Variants in ADCK1 observed in about 807,000 individuals in gnomAD.
The protein encoded by ADCK1 is aarF domain containing kinase 1, also known as aarF domain-containing protein kinase 1.
Under a neutral mutation model 52.3 loss-of-function variants are expected in ADCK1, and 41 were observed. The ratio of observed to expected loss-of-function variants is 0.78; its 90% CI spans 0.61 to 1.02. The LOEUF (loss-of-function observed/expected upper bound fraction) is 1.02. Ranked by LOEUF, ADCK1 falls within the 50% of genes least tolerant of loss-of-function variation. ADCK1 has a pLI of 0.00. For missense variants in ADCK1, 658 were observed against 679.5 expected, an observed-to-expected ratio of 0.97 and a Z score of 0.35; for synonymous variants, 250 against 274.6, an observed-to-expected ratio of 0.91 and a Z score of 0.89.
intron 1 of ADCK1, among the ~76,000 whole-genome samples, chr14:77,804,918 A>G (rs2081187208): frequency 2.0e-5 from 3 of 152,108 alleles, no homozygotes; most frequent in Admixed American, 1.3e-4. Flanking sequence ...ATAGAATGCA[A>G]AGCCAAGGCT....
intron 4 of ADCK1, among the ~76,000 whole-genome samples, chr14:77,869,461 C>G (rs1345697706): frequency 1.3e-5 from 2 of 152,154 alleles, no homozygotes; most frequent in Non-Finnish European, 2.9e-5. Flanking sequence ...AGGACACAGT[C>G]ATGTTGGATT....
At chr14:77,810,087 G>A (rs2081308670) in intron 1 of ADCK1, among the ~76,000 whole-genome samples, 1 of 150,930 alleles carries the variant, frequency 6.6e-6, no homozygotes, top group Non-Finnish European at 1.5e-5. Context: ...TACTGGGTAT[G>A]TCAGGCATTG....
chr14:77,840,033 T>G (rs1473528253), intron 3 of ADCK1, among the ~76,000 whole-genome samples: 1 of 151,992 alleles, frequency 6.6e-6, no homozygotes, highest in African/African-American at 2.4e-5. Flanking sequence ...GAGCTGAATC[T>G]TCTGGCGCAC....
chr14:77,933,624 C>A lies in ADCK1; in HGVS notation c.*233C>A. ...TCTCTTCTTCTCCAAGAAGACTCAG[C>A]AGCCTACATTCCCATTCCTGGTATG... On this transcript the variant is annotated 3_prime_UTR_variant, in exon 11 of 11. Transcript: ENST00000238561. 1 of 520,866 alleles carries A rather than the reference C, an allele frequency of 1.9e-6. No individual in the cohort carries two copies. The highest frequency in any genetic ancestry group is 3.1e-5 in the South Asian group (1 of 32,058). The allele number at this position is 520,866 out of a possible 1,614,324, so 32.3% of individuals were successfully genotyped here. A position where few individuals can be genotyped will look rare whatever the true frequency, so the allele number is the denominator to read the frequency against.
intron 4 of ADCK1, among the ~76,000 whole-genome samples, chr14:77,864,658 T>C (rs1056149127): frequency 1.3e-5 from 2 of 151,492 alleles, no homozygotes; most frequent in Non-Finnish European, 2.9e-5. Flanking sequence ...TGTGTGTGTG[T>C]GTATGTGTGT....
At chr14:77,850,703 T>C (rs1170378767) in intron 3 of ADCK1, among the ~76,000 whole-genome samples, 1 of 146,896 alleles carries the variant, frequency 6.8e-6, no homozygotes, top group East Asian at 2.0e-4. Context: ...CAGGCTGGAG[T>C]GCAGTGGCGC....
At chr14:77,814,140 G>A (rs909212400) in intron 1 of ADCK1, among the ~76,000 whole-genome samples, 6 of 151,428 alleles carry the variant, frequency 4.0e-5, no homozygotes, top group Admixed American at 6.6e-5. Flanking sequence ...GTGCAGTGGC[G>A]CAATCTCAGC....
intron 6 of ADCK1, among the ~76,000 whole-genome samples, chr14:77,902,974 C>T (rs1171257113): frequency 2.0e-5 from 3 of 152,200 alleles, no homozygotes; most frequent in Non-Finnish European, 2.9e-5. Context: ...CTGCCATTTA[C>T]CGGCAGGGGT....
rs1246186129 is a variant in ADCK1 at position 77,925,833 on chromosome 14, A to C, written c.1078A>C (p.Arg360=). Residue 360 remains arginine (R), a synonymous_variant, in exon 9 of 11, where the codon AGA becomes CGA. Coordinates refer to ENST00000238561, the MANE Select transcript of ADCK1 (RefSeq NM_020421.4). The part of the protein sequence containing the change: ...WQSLIWTDMK[R]VKEYSQRLGA... The stretch of plus-strand genomic sequence containing the variant: ...GTCTCTGATCTGGACTGACATGAAG[A>C]GAGTGAAGGAGTACAGCCAGCGACT... The C allele has an allele frequency of 6.2e-7, 1 of 1,614,184 alleles. No homozygotes were observed. The highest frequency in any genetic ancestry group is 1.1e-5 in the South Asian group (1 of 91,082).
chr14:77,819,086 T>C lies in ADCK1; in HGVS notation c.108T>C (p.Ala36=). ...ACTTGGACCCTAATGACTTTGGCGC[T>C]GTCAGGGTGGGCAGAGCAGTTGCTA... The part of the protein sequence containing the change: ...NKYLDPNDFG[A]VRVGRAVATT... Residue 36 remains alanine, a synonymous_variant, in exon 2 of 11, where the codon GCT becomes GCC. Transcript: ENST00000238561. The C allele has an allele frequency of 6.2e-7, 1 of 1,613,174 alleles. No individual in the cohort carries two copies. Among genetic ancestry groups the C allele is most frequent in the South Asian group, 1.1e-5 (1 of 90,990 alleles).
chr14:77,903,718 G>A (rs78848442), intron 6 of ADCK1, among the ~76,000 whole-genome samples: 4,872 of 152,110 alleles, frequency 0.032, 150 homozygotes, highest in South Asian at 0.12. Context: ...AGGTGTGCAG[G>A]GCCATGCCAG....
At chr14:77,887,607 C>T (rs1272075472) in intron 5 of ADCK1, among the ~76,000 whole-genome samples, 2 of 152,180 alleles carry the variant, frequency 1.3e-5, no homozygotes, top group Non-Finnish European at 2.9e-5. Flanking sequence ...GACAAAATTA[C>T]ATCTTAATTT....
chr14:77,931,461 C>A, intron 9 of ADCK1, 57 bp from the exon 10 acceptor site: 1 of 1,556,124 alleles, frequency 6.4e-7, no homozygotes, highest in Non-Finnish European at 8.8e-7. Flanking sequence ...CCCCTGCCAC[C>A]CCTGGCCCCA....
At chr14:77,895,523 A>G (rs2083390131) in intron 5 of ADCK1, among the ~76,000 whole-genome samples, 1 of 152,216 alleles carries the variant, frequency 6.6e-6, no homozygotes, top group African/African-American at 2.4e-5. Flanking sequence ...GAGAAGATGC[A>G]TTTTGGGAGA....
At chr14:77,916,109 G>T (rs1267957555) in intron 7 of ADCK1, among the ~76,000 whole-genome samples, 1 of 152,148 alleles carries the variant, frequency 6.6e-6, no homozygotes, top group East Asian at 1.9e-4. Context: ...TATTGACCCA[G>T]GTAAGGTGGA....
intron 3 of ADCK1, among the ~76,000 whole-genome samples, chr14:77,841,687 AAAAAAAAAATT>A (rs926578615): frequency 1.2e-4 from 16 of 136,310 alleles, no homozygotes; most frequent in African/African-American, 4.5e-4. Context: ...AAAAAAAAAA[AAAAAAAAAATT>A]AGCCAGGCGT....
chr14:77,819,572 G>A (rs1285140526), intron 2 of ADCK1, among the ~76,000 whole-genome samples: 1 of 152,178 alleles, frequency 6.6e-6, no homozygotes, highest in East Asian at 1.9e-4. Context: ...ATACCCAGAT[G>A]GTCTAGCCCT....
chr14:77,859,446 G>C (rs185196719), intron 4 of ADCK1, among the ~76,000 whole-genome samples, 167 bp downstream of exon 4: 1 of 152,208 alleles, frequency 6.6e-6, no homozygotes, highest in Non-Finnish European at 1.5e-5. Flanking sequence ...AGGAATCTCA[G>C]TGGCCCTCAG....
intron 1 of ADCK1, among the ~76,000 whole-genome samples, chr14:77,804,185 G>A (rs1356224918): frequency 2.0e-5 from 3 of 152,138 alleles, no homozygotes; most frequent in Admixed American, 2.0e-4. Flanking sequence ...GGTGACTCAG[G>A]TGAAAGTCAA....
Sources: allele counts gnomAD v4.1 joint callset (sites outside exome capture counted in the v4.1 genomes callset), GRCh38; gene constraint gnomAD v4.1.1; transcripts MANE v1.5; gene names NCBI Gene and HGNC (gene_info 2026-07-23, HGNC 2026-07-21).